STK33: variants seen among roughly 807,000 people sequenced by gnomAD.
The protein encoded by STK33 is serine/threonine-protein kinase 33.
STK33 carries 52 observed loss-of-function variants against 58.0 expected under a neutral mutation model. The observed-to-expected ratio is 0.90, with a 90% confidence interval of 0.72 to 1.13. STK33 has a LOEUF of 1.13. STK33 is among the 50% of genes most tolerant of loss of function. The pLI is 0.00. For missense variants in STK33, 630 were observed against 604.2 expected (o/e 1.04, Z -0.45); for synonymous variants, 215 against 200.1 (o/e 1.07, Z -0.63).
intron 1 of STK33, among the ~76,000 whole-genome samples, chr11:8,578,054 A>AC (rs1958310590): frequency 6.6e-6 from 1 of 152,130 alleles, no homozygotes; most frequent in African/African-American, 2.4e-5. Flanking sequence ...ACTACAAGTC[A>AC]GTCAACTATG....
intron 1 of STK33, among the ~76,000 whole-genome samples, chr11:8,512,214 A>G (rs1365287371): frequency 6.6e-6 from 1 of 152,126 alleles, no homozygotes; most frequent in Non-Finnish European, 1.5e-5. Context: ...GCTTTTCTCT[A>G]TAACTGACAA....
At chr11:8,343,068 C>T in the STK33 span, among the ~76,000 whole-genome samples, 1 of 152,238 alleles carries the variant, frequency 6.6e-6, no homozygotes, top group Non-Finnish European at 1.5e-5. Context: ...AAACCACATA[C>T]GATCGTTTCC....
At chr11:8,381,160 T>A in the STK33 span, among the ~76,000 whole-genome samples, 1 of 152,174 alleles carries the variant, frequency 6.6e-6, no homozygotes, top group African/African-American at 2.4e-5. Context: ...TTGGGTACAA[T>A]GTACACTACT....
chr11:8,451,080 T>C (rs949967463), intron 11 of STK33, among the ~76,000 whole-genome samples: 3 of 152,120 alleles, frequency 2.0e-5, no homozygotes, highest in African/African-American at 7.2e-5. Flanking sequence ...ATAGGTAATA[T>C]CAAGAGTTGT....
intron 11 of STK33, among the ~76,000 whole-genome samples, chr11:8,442,705 C>T (rs1427558271): frequency 6.6e-6 from 1 of 152,078 alleles, no homozygotes; most frequent in African/African-American, 2.4e-5. Flanking sequence ...GTAGCCTTTT[C>T]CCAAATAAGA....
intron 1 of STK33, among the ~76,000 whole-genome samples, chr11:8,561,921 T>G (rs1215185612): frequency 6.6e-6 from 1 of 152,196 alleles, no homozygotes; most frequent in African/African-American, 2.4e-5. Context: ...TCTGCTTCAA[T>G]GTGTTGGCTT....
intron 11 of STK33, among the ~76,000 whole-genome samples, chr11:8,450,768 A>C (rs568888703): frequency 2.0e-5 from 3 of 152,212 alleles, no homozygotes; most frequent in Non-Finnish European, 2.9e-5. Context: ...AATGCAGTAC[A>C]TTAAACCATG....
chr11:8,381,076 G>A, the STK33 span, among the ~76,000 whole-genome samples: 2 of 152,138 alleles, frequency 1.3e-5, no homozygotes, highest in Non-Finnish European at 2.9e-5. Flanking sequence ...GATATGCAAA[G>A]GCACACAGAG....
intron 7 of STK33, among the ~76,000 whole-genome samples, chr11:8,462,902 A>G (rs781246177): frequency 6.6e-6 from 1 of 152,142 alleles, no homozygotes; most frequent in Non-Finnish European, 1.5e-5. Context: ...TTTATTTCTA[A>G]TAAAAAAATC....
intron 11 of STK33, among the ~76,000 whole-genome samples, chr11:8,452,455 G>A (rs1946400049): frequency 6.6e-6 from 1 of 152,112 alleles, no homozygotes; most frequent in African/African-American, 2.4e-5. Context: ...TGTTCAAGCT[G>A]TAATCCATAC....
chr11:8,475,187 T>C (rs1343690833), intron 4 of STK33, 121 bp from the exon 5 acceptor site: 1 of 284,906 alleles, frequency 3.5e-6, no homozygotes, highest in Admixed American at 5.2e-5. Context: ...AAGGACAAAA[T>C]AGGACCACAA....
At chr11:8,489,805 A>G (rs79897387) in intron 1 of STK33, among the ~76,000 whole-genome samples, 5,180 of 152,304 alleles carry the variant, frequency 0.034, 115 homozygotes, top group East Asian at 0.081. Flanking sequence ...TAAAAAGCAT[A>G]ATAACTAAAA....
At chr11:8,484,212 G>T (rs1048279166) in intron 1 of STK33, among the ~76,000 whole-genome samples, 1 of 152,174 alleles carries the variant, frequency 6.6e-6, no homozygotes, top group Non-Finnish European at 1.5e-5. Context: ...TATAGATGGT[G>T]TGTATATATC....
chr11:8,340,352 C>T, the STK33 span, among the ~76,000 whole-genome samples: 108 of 152,138 alleles, frequency 7.1e-4, 4 homozygotes, highest in Non-Finnish European at 2.9e-5. Flanking sequence ...AAGGCAGGGA[C>T]CTTTGGTTTT....
intron 1 of STK33, among the ~76,000 whole-genome samples, chr11:8,590,485 C>G (rs575835391): frequency 6.6e-6 from 1 of 152,074 alleles, no homozygotes; most frequent in Non-Finnish European, 1.5e-5. Flanking sequence ...ATTGTTTTTT[C>G]TTAATTTATT....
chr11:8,438,441 C>G (rs866503562), intron 12 of STK33, among the ~76,000 whole-genome samples: 4 of 152,014 alleles, frequency 2.6e-5, no homozygotes, highest in African/African-American at 9.7e-5. Context: ...TCAAAGGTAA[C>G]GGATAAACAA....
At chr11:8,469,445 T>C (rs1948562804) in intron 6 of STK33, among the ~76,000 whole-genome samples, 1 of 152,234 alleles carries the variant, frequency 6.6e-6, no homozygotes, top group Non-Finnish European at 1.5e-5. Flanking sequence ...TCTAGTTCTC[T>C]TGCTGTTTCC....
At chr11:8,353,296 A>G in the STK33 span, among the ~76,000 whole-genome samples, 3 of 152,200 alleles carry the variant, frequency 2.0e-5, no homozygotes, top group African/African-American at 4.8e-5. Context: ...CCCAGTCAAT[A>G]GCTTGGGTTC....
intron 1 of STK33, among the ~76,000 whole-genome samples, chr11:8,531,574 T>C (rs1185897669): frequency 1.1e-4 from 17 of 152,200 alleles, no homozygotes; most frequent in Admixed American, 1.1e-3. Context: ...GCTGGGAGCT[T>C]AGCTTGGCCT....
Sources: gnomAD v4.1 joint callset for allele counts (sites outside exome capture counted in the v4.1 genomes callset) on GRCh38, gnomAD v4.1.1 for gene constraint, MANE v1.5 for transcripts, NCBI Gene and HGNC (gene_info 2026-07-23, HGNC 2026-07-21) for gene names.